ELMO1: variants seen among roughly 807,000 people sequenced by gnomAD.
The protein encoded by ELMO1 is engulfment and cell motility 1, also known as engulfment and cell motility protein 1.
Under a neutral mutation model 98.9 loss-of-function variants are expected in ELMO1, and 26 were observed. That is an observed-to-expected ratio of 0.26 (90% CI 0.19 to 0.36). The LOEUF (loss-of-function observed/expected upper bound fraction) is 0.36. Among genes scored for constraint, ELMO1 ranks in the 10% least tolerant of loss-of-function variants. The probability of loss-of-function intolerance (pLI) is 1.00; values close to 1 mark genes in which losing one functional copy is unlikely to be tolerated. For synonymous variants in ELMO1, 346 were observed against 346.0 expected, an observed-to-expected ratio of 1.00 and a Z score of 0.00; for missense variants, 627 against 935.2, an observed-to-expected ratio of 0.67 and a Z score of 4.30.
intron 15 of ELMO1, among the ~76,000 whole-genome samples, chr7:37,081,688 G>A (rs1315825757): frequency 6.6e-6 from 1 of 152,158 alleles, no homozygotes; most frequent in African/African-American, 2.4e-5. Context: ...CCATGATTAT[G>A]AGGTCTCCCC....
intron 1 of ELMO1, among the ~76,000 whole-genome samples, chr7:37,389,795 C>T (rs1471139751): frequency 3.3e-5 from 5 of 152,074 alleles, no homozygotes; most frequent in Non-Finnish European, 5.9e-5. Context: ...TAGGGGTATG[C>T]GTAAAGAATG....
chr7:37,383,451 C>T (rs1358191071), intron 1 of ELMO1, among the ~76,000 whole-genome samples: 6 of 152,196 alleles, frequency 3.9e-5, no homozygotes, highest in Non-Finnish European at 5.9e-5. Flanking sequence ...TTAACAGAGA[C>T]GTTAACTTTG....
chr7:37,106,109 T>C (rs987510406), intron 14 of ELMO1, among the ~76,000 whole-genome samples: 2 of 152,182 alleles, frequency 1.3e-5, no homozygotes, highest in African/African-American at 2.4e-5. Context: ...TTTAGCTCAT[T>C]TGGTCCTCAC....
Position 37,215,176 on chromosome 7 carries a change from TCAAA to T in ELMO1, c.831+1465_831+1468del, listed in dbSNP as rs150908672. ...CGAAGAACTGGGGGACCTCTTTTTATCAAACAATGAAAGTTACACTCATACATTT... is the reference window on the plus strand; with the variant it reads ...CGAAGAACTGGGGGACCTCTTTTTATCAATGAAAGTTACACTCATACATTT... On this transcript the variant is annotated intron_variant, in intron 11 of 21. Coordinates refer to ENST00000310758, the MANE Select transcript of ELMO1 (RefSeq NM_014800.11). 3.3e-3 allele frequency among the ~76,000 whole-genome samples: 499 copies of T among 152,356 alleles called. 2 individuals carry two copies. The highest frequency in any genetic ancestry group is 0.011 in the African/African-American group (466 of 41,572).
chr7:37,417,688 A>ACACACACACACACAC (rs1554310019), intron 1 of ELMO1, among the ~76,000 whole-genome samples: 1 of 147,320 alleles, frequency 6.8e-6, no homozygotes, highest in African/African-American at 2.6e-5. Flanking sequence ...ACACACAAGC[A>ACACACACACACACAC]AAAATTAGCT....
At chr7:37,211,342 G>A (rs370728076) in intron 13 of ELMO1, 44 bp downstream of exon 13, 128 of 1,612,662 alleles carry the variant, frequency 7.9e-5, no homozygotes, top group Non-Finnish European at 9.8e-5. Context: ...GGTCAGGCCC[G>A]GGGAGGCTGG....
intron 2 of ELMO1, among the ~76,000 whole-genome samples, chr7:37,319,087 A>G (rs1799351316): frequency 6.6e-6 from 1 of 152,040 alleles, no homozygotes; most frequent in Non-Finnish European, 1.5e-5. Context: ...ATTCTCTTCA[A>G]CTGTCCTAAG....
At chr7:37,377,233 A>G (rs561486672) in intron 1 of ELMO1, among the ~76,000 whole-genome samples, 1 of 152,174 alleles carries the variant, frequency 6.6e-6, no homozygotes, top group South Asian at 2.1e-4. Flanking sequence ...CTTTTGCACC[A>G]CTGAACCCCC....
intron 14 of ELMO1, among the ~76,000 whole-genome samples, chr7:37,113,901 T>C (rs1785404198): frequency 6.6e-6 from 1 of 152,210 alleles, no homozygotes; most frequent in South Asian, 2.1e-4. Flanking sequence ...ACACCAACCC[T>C]GCCAGTAGCT....
At chr7:37,404,796 T>C (rs1216966009) in intron 1 of ELMO1, among the ~76,000 whole-genome samples, 2 of 152,242 alleles carry the variant, frequency 1.3e-5, no homozygotes, top group Non-Finnish European at 2.9e-5. Flanking sequence ...CTTAAATTTT[T>C]AGTTCTAAAT....
rs147003634 is a variant in ELMO1, at chr7:37,305,445, A to AGTGTGTGTGT, written c.192+9395_192+9404dup. 4.6e-3 allele frequency among the ~76,000 whole-genome samples: 562 copies of AGTGTGTGTGT among 122,906 alleles called. 1 individual carries two copies. Among genetic ancestry groups the AGTGTGTGTGT allele is most frequent in the Middle Eastern group, 0.011 (2 of 184 alleles). The allele number at this position is 122,906 out of a possible 152,430, so 80.6% of individuals were successfully genotyped here. A position where few individuals can be genotyped will look rare whatever the true frequency, so the allele number is the denominator to read the frequency against. On this transcript the variant is annotated intron_variant, in intron 4 of 21. Coordinates refer to ENST00000310758, the MANE Select transcript of ELMO1 (RefSeq NM_014800.11). Reference sequence around the variant, plus strand: ...GGTCAATATCCAGCACAGTACAGATAGTGTGTGTGTGTGTGTGTGTGTGTA... The same window carrying AGTGTGTGTGT: ...GGTCAATATCCAGCACAGTACAGATAGTGTGTGTGTGTGTGTGTGTGTGTGTGTGTGTGTA...
intron 16 of ELMO1, among the ~76,000 whole-genome samples, chr7:36,918,392 A>G (rs959488862): frequency 2.5e-4 from 38 of 152,298 alleles, no homozygotes; most frequent in African/African-American, 8.7e-4. Flanking sequence ...TAATAATTTT[A>G]TAAGTGAAAA....
At chr7:36,856,221 C>G (rs575633721) in intron 21 of ELMO1, among the ~76,000 whole-genome samples, 1 of 152,172 alleles carries the variant, frequency 6.6e-6, no homozygotes, top group African/African-American at 2.4e-5. Context: ...TAGCTCATCT[C>G]GGCCTGTCCT....
At chr7:37,183,914 AT>A (rs1333210234) in intron 13 of ELMO1, among the ~76,000 whole-genome samples, 3 of 152,130 alleles carry the variant, frequency 2.0e-5, no homozygotes, top group Admixed American at 6.5e-5. Context: ...AACTTCAGAA[AT>A]TTTATTTTTT....
chr7:37,027,574 G>C (rs1186294231), intron 15 of ELMO1, among the ~76,000 whole-genome samples: 1 of 152,164 alleles, frequency 6.6e-6, no homozygotes, highest in Non-Finnish European at 1.5e-5. Flanking sequence ...CGAAAGGATA[G>C]AGATGTATAC....
chr7:37,255,026 G>T (rs1384691084), intron 6 of ELMO1, among the ~76,000 whole-genome samples: 5 of 152,072 alleles, frequency 3.3e-5, no homozygotes, highest in African/African-American at 1.2e-4. Context: ...TGTTGACAAG[G>T]CACATACATA....
rs549036407 is a variant in ELMO1 at position 37,375,017 on chromosome 7, C to T, written c.-73-32254G>A. On this transcript the variant is annotated intron_variant, in intron 1 of 21. Transcript: ENST00000310758. The stretch of plus-strand genomic sequence containing the variant: ...GAGGTTGCGGTGGGCTGAGATCACA[C>T]CACTGCACTCCAGCCTGGGTGACAG... Among the ~76,000 whole-genome samples the T allele has an allele frequency of 2.5e-4, 37 of 150,522 alleles. 1 individual carries two copies. In the South Asian group the frequency reaches 7.4e-3, roughly 30 times the overall value.
At position 36,969,140 on chromosome 7, in the gene ELMO1, C is replaced by A. The variant is rs540070294; in HGVS notation, c.1437+44159G>T. On this transcript the variant is annotated intron_variant, in intron 16 of 21. Coordinates refer to ENST00000310758, the MANE Select transcript of ELMO1 (RefSeq NM_014800.11). Reference sequence around the variant, plus strand: ...GGGTATCAATTCAGTATGTACCTACCTAGTAGTTGACATGTTAATTATATT... The same window carrying A: ...GGGTATCAATTCAGTATGTACCTACATAGTAGTTGACATGTTAATTATATT... Among the ~76,000 whole-genome samples the A allele has an allele frequency of 2.6e-3, 402 of 151,912 alleles. 2 individuals are homozygous for A. The highest frequency in any genetic ancestry group is 9.3e-3 in the African/African-American group (386 of 41,418).
chr7:37,108,253 T>G (rs1164642331), intron 14 of ELMO1, among the ~76,000 whole-genome samples: 1 of 152,168 alleles, frequency 6.6e-6, no homozygotes, highest in Non-Finnish European at 1.5e-5. Context: ...AGGATCTCCC[T>G]CTGGTACAGC....
Sources: gnomAD v4.1 joint callset for allele counts (sites outside exome capture counted in the v4.1 genomes callset) on GRCh38, gnomAD v4.1.1 for gene constraint, MANE v1.5 for transcripts, NCBI Gene and HGNC (gene_info 2026-07-23, HGNC 2026-07-21) for gene names.